Variants in DCDC2 observed in about 807,000 individuals in gnomAD.
The protein encoded by DCDC2 is doublecortin domain-containing protein 2.
In DCDC2, 40 loss-of-function variants were observed where a neutral mutation model predicts 50.2. The observed-to-expected ratio is 0.80, with a 90% CI of 0.62 to 1.04. The LOEUF (loss-of-function observed/expected upper bound fraction) is 1.04, where lower values mean the gene tolerates loss of function less well. Ranked by LOEUF, DCDC2 falls within the 50% of genes least tolerant of loss-of-function variation. The probability of loss-of-function intolerance (pLI) is 0.00; values close to 1 mark genes in which losing one functional copy is unlikely to be tolerated. For missense variants in DCDC2, 570 were observed against 581.9 expected, an observed-to-expected ratio of 0.98 and a Z score of 0.21; for synonymous variants, 234 against 210.6, an observed-to-expected ratio of 1.11 and a Z score of -0.96.
chr6:24,321,155 G>A (rs566469831), intron 2 of DCDC2, among the ~76,000 whole-genome samples: 20 of 151,694 alleles, frequency 1.3e-4, no homozygotes, highest in African/African-American at 2.9e-4. Flanking sequence ...AAATAAATGA[G>A]GGCAATTCTT....
intron 1 of DCDC2, among the ~76,000 whole-genome samples, chr6:24,356,678 T>C (rs1350329279): frequency 2.0e-5 from 3 of 152,150 alleles, no homozygotes; most frequent in South Asian, 2.1e-4. Context: ...TAGCTTGCAT[T>C]AAAATTGTTA....
Position 24,275,529 on chromosome 6 carries a change from C to T in DCDC2, c.922+2520G>A, listed in dbSNP as rs183491591. 3.3e-5 allele frequency among the ~76,000 whole-genome samples: 5 copies of T among 152,184 alleles called. No homozygotes were observed. The East Asian group carries it at 9.6e-4, about 29-fold the overall frequency. ...AATGCTTCTAGATCAGTGGTACAAGCCAGTTAGTGAAGGAAAAAAAAATTC... is the reference window on the plus strand; with the variant it reads ...AATGCTTCTAGATCAGTGGTACAAGTCAGTTAGTGAAGGAAAAAAAAATTC... On this transcript the variant is annotated intron_variant, in intron 7 of 9. Coordinates refer to ENST00000378454, the MANE Select transcript of DCDC2 (RefSeq NM_016356.5).
At chr6:24,203,301 G>C (rs1471879692) in intron 8 of DCDC2, among the ~76,000 whole-genome samples, 1 of 152,104 alleles carries the variant, frequency 6.6e-6, no homozygotes, top group African/African-American at 2.4e-5. Context: ...TAGACCAACT[G>C]AGCAGCACAG....
intron 8 of DCDC2, among the ~76,000 whole-genome samples, chr6:24,189,220 G>A (rs4490654): frequency 1 from 152,222 of 152,248 alleles, 76,098 homozygotes; most frequent in Non-Finnish European, 1. Flanking sequence ...TCTGGTAGTT[G>A]TTTCCTCTGG....
upstream of DCDC2, among the ~76,000 whole-genome samples, chr6:24,359,117 A>ATATATTATATATTTTATATATTATATAT (rs1561788968): frequency 4.4e-5 from 2 of 45,962 alleles, no homozygotes; most frequent in Non-Finnish European, 6.6e-5. Flanking sequence ...ATTATATATT[A>ATATATTATATATTTTATATATTATATAT]TATATATTAT....
At chr6:24,177,982 TCTTAA>T (rs1760962618) in intron 9 of DCDC2, among the ~76,000 whole-genome samples, 2 of 152,204 alleles carry the variant, frequency 1.3e-5, no homozygotes, top group South Asian at 2.1e-4. Context: ...CCTTCTCTGG[TCTTAA>T]CTTATTCTTA....
intron 8 of DCDC2, among the ~76,000 whole-genome samples, chr6:24,199,080 A>T (rs1251872650): frequency 1.3e-5 from 2 of 152,246 alleles, no homozygotes; most frequent in African/African-American, 4.8e-5. Flanking sequence ...CTGTGGGCAC[A>T]ACTTCAGCAG....
the DCDC2 span, among the ~76,000 whole-genome samples, chr6:24,367,956 A>G: frequency 6.6e-6 from 1 of 152,162 alleles, no homozygotes; most frequent in Admixed American, 6.5e-5. Flanking sequence ...AAATGACCAA[A>G]GGTTTTTTTA....
In DCDC2 at chr6:24,278,120, T is replaced by C; in HGVS notation, c.851A>G (p.Asn284Ser). 6.2e-7 allele frequency: 1 copy of C among 1,614,028 alleles called. No individual in the cohort carries two copies. Among genetic ancestry groups the C allele is most frequent in the South Asian group, 1.1e-5 (1 of 91,070 alleles). ...TTTCAATTTCGTCAGTTTTTCTGAA[T>C]TCACGTCTTCTTTTTTCCCTTTCCT... Reference protein sequence around the residue: ...LKRKGKKEDVNSEKLTKLKQN... With the variant: ...LKRKGKKEDVSSEKLTKLKQN... Residue 284 changes from asparagine (N) to serine (S), a missense_variant, in exon 7 of 10, where the codon AAT becomes AGT. Physicochemically the swap from Asn to Ser is conservative, Grantham distance 46. Coordinates refer to ENST00000378454, the MANE Select transcript of DCDC2 (RefSeq NM_016356.5).
chr6:24,372,509 A>G, the DCDC2 span, among the ~76,000 whole-genome samples: 1 of 152,160 alleles, frequency 6.6e-6, no homozygotes, highest in East Asian at 1.9e-4. Context: ...AAGACTTAGA[A>G]CCAACCCAAA....
chr6:24,260,077 A>G (rs1399491043), intron 7 of DCDC2, among the ~76,000 whole-genome samples: 1 of 152,178 alleles, frequency 6.6e-6, no homozygotes, highest in African/African-American at 2.4e-5. Context: ...CTGTCTGCCC[A>G]ACTAACTTTT....
chr6:24,233,450 A>G (rs1762377893), intron 7 of DCDC2, among the ~76,000 whole-genome samples: 1 of 152,222 alleles, frequency 6.6e-6, no homozygotes, highest in African/African-American at 2.4e-5. Context: ...CCTATTTTGT[A>G]TACATTATCG....
At chr6:24,254,115 C>G (rs891380904) in intron 7 of DCDC2, among the ~76,000 whole-genome samples, 1 of 152,120 alleles carries the variant, frequency 6.6e-6, no homozygotes, top group African/African-American at 2.4e-5. Flanking sequence ...TACACAAGGG[C>G]TGGATCATCA....
rs780392836 is a variant in DCDC2 at position 24,288,869 on chromosome 6, T to C, written c.742A>G (p.Arg248Gly). ...ATACTTACACTCCCTTTAGACTTTC[T>C]GGATCCTACAATAGGAGGTAGTGAA... is the stretch of plus-strand genomic sequence containing the variant. Reference protein sequence around the residue: ...ASSLPPIVGSRKSKGSGNDRH... With the variant: ...ASSLPPIVGSGKSKGSGNDRH... The change falls in exon 6 of 10, where the codon AGA becomes GGA. Residue 248 changes from arginine to glycine, a missense_variant. Arg to Gly is a moderately radical substitution (Grantham distance 125, BLOSUM62 -2). Transcript: ENST00000378454. 1.9e-6 allele frequency: 3 copies of C among 1,609,636 alleles called. No individual in the cohort carries two copies. The African/African-American group carries it at 4.0e-5, about 22-fold the overall frequency.
At chr6:24,212,446 C>T (rs1761893059) in intron 7 of DCDC2, among the ~76,000 whole-genome samples, 1 of 152,152 alleles carries the variant, frequency 6.6e-6, no homozygotes, top group South Asian at 2.1e-4. Context: ...ACTGTAAATA[C>T]TTCTCTTTCT....
chr6:24,373,325 AC>A, the DCDC2 span, among the ~76,000 whole-genome samples: 3 of 152,246 alleles, frequency 2.0e-5, no homozygotes, highest in African/African-American at 7.2e-5. Context: ...ATGGAAAAAA[AC>A]AATCCTGATG....
chr6:24,178,718 T>C, intron 8 of DCDC2, 86 bp from the exon 9 acceptor site: 1 of 1,324,926 alleles, frequency 7.5e-7, no homozygotes, highest in South Asian at 1.4e-5. Context: ...AATACTTATA[T>C]TACAGTCAAG....
intron 4 of DCDC2, among the ~76,000 whole-genome samples, chr6:24,301,392 A>AAG (rs1759370997): frequency 6.6e-6 from 1 of 151,262 alleles, no homozygotes; most frequent in African/African-American, 2.4e-5. Flanking sequence ...AAAAAAAAAA[A>AAG]AGTTAAGGGG....
At chr6:24,214,407 T>C (rs1227982926) in intron 7 of DCDC2, among the ~76,000 whole-genome samples, 5 of 152,210 alleles carry the variant, frequency 3.3e-5, no homozygotes, top group East Asian at 3.8e-4. Context: ...TATTTTTAGA[T>C]ACAGATATTT....
Sources: allele counts gnomAD v4.1 joint callset (sites outside exome capture counted in the v4.1 genomes callset), GRCh38; gene constraint gnomAD v4.1.1; transcripts MANE v1.5; gene names NCBI Gene and HGNC (gene_info 2026-07-23, HGNC 2026-07-21).